Variants in SMAD3 observed in about 807,000 individuals in gnomAD.
SMAD3 encodes SMAD family member 3.
Under a neutral mutation model 51.8 loss-of-function variants are expected in SMAD3, and 12 were observed. That is an observed-to-expected ratio of 0.23 (90% CI 0.15 to 0.38). SMAD3 has a LOEUF of 0.38. Among genes scored for constraint, SMAD3 ranks in the 10% least tolerant of loss-of-function variants. The pLI, the probability that SMAD3 is intolerant of heterozygous loss-of-function variation, is 1.00. For synonymous variants in SMAD3, 238 were observed against 227.7 expected (o/e 1.05, Z -0.41); for missense variants, 294 against 565.6 (o/e 0.52, Z 4.87).
intron 5 of SMAD3, among the ~76,000 whole-genome samples, chr15:67,173,683 T>C (rs1461712230): frequency 6.6e-6 from 1 of 152,160 alleles, no homozygotes; most frequent in African/African-American, 2.4e-5. Context: ...TAAAGATTAA[T>C]CTGGCCACTG....
intron 1 of SMAD3, among the ~76,000 whole-genome samples, chr15:67,128,954 G>T (rs939478731): frequency 6.6e-6 from 1 of 152,194 alleles, no homozygotes; most frequent in East Asian, 1.9e-4. Flanking sequence ...TGTTGAGTGC[G>T]TGGTGGATGG....
chr15:67,113,094 A>ATATATATATATTTT (rs3985646), intron 1 of SMAD3, among the ~76,000 whole-genome samples: 2 of 112,562 alleles, frequency 1.8e-5, no homozygotes, highest in Non-Finnish European at 3.5e-5. Flanking sequence ...ATATATATAT[A>ATATATATATATTTT]TTTTTTTGAG....
chr15:67,153,971 T>C (rs1014722990), intron 1 of SMAD3, among the ~76,000 whole-genome samples: 3 of 152,192 alleles, frequency 2.0e-5, no homozygotes, highest in African/African-American at 7.2e-5. Flanking sequence ...AGGCGATCTT[T>C]GTGTGTTTCC....
At chr15:67,138,112 G>C (rs760822779) in intron 1 of SMAD3, 3 of 1,547,296 alleles carry the variant, frequency 1.9e-6, no homozygotes, top group Non-Finnish European at 2.6e-6. Context: ...TAGGAGCCCC[G>C]TGCCGGGACA....
intron 1 of SMAD3, among the ~76,000 whole-genome samples, chr15:67,085,464 C>T (rs1205115442): frequency 6.6e-6 from 1 of 152,222 alleles, no homozygotes; most frequent in Admixed American, 6.5e-5. Flanking sequence ...CTCTATTACT[C>T]ATTTGAATAG....
At chr15:67,182,974 T>C (rs1294506588) in intron 6 of SMAD3, among the ~76,000 whole-genome samples, 2 of 112,236 alleles carry the variant, frequency 1.8e-5, no homozygotes, top group African/African-American at 6.9e-5. Flanking sequence ...CTGGCTTTTT[T>C]CTATATTTTA....
chr15:67,137,132 G>C (rs1045292023), intron 1 of SMAD3, among the ~76,000 whole-genome samples: 2 of 152,206 alleles, frequency 1.3e-5, no homozygotes, highest in African/African-American at 4.8e-5. Context: ...GACGGAGCAG[G>C]CTGCGTTTGT....
chr15:67,187,373 C>T lies in SMAD3; in HGVS notation c.1018C>T (p.Leu340=). ...TVCKIPPGCN[L]KIFNNQEFAA... ...TTCTGTGTTTTTGGCAGGATGCAACCTGAAGATCTTCAACAACCAGGAGTT... is the reference window on the plus strand; with the variant it reads ...TTCTGTGTTTTTGGCAGGATGCAACTTGAAGATCTTCAACAACCAGGAGTT... Residue 340 remains leucine (L), a synonymous_variant, in exon 8 of 9, where the codon CTG becomes TTG. Transcript: ENST00000327367. 6.2e-7 allele frequency: 1 copy of T among 1,614,162 alleles called. No homozygotes were observed. The highest frequency in any genetic ancestry group is 8.5e-7 in the Non-Finnish European group (1 of 1,180,030).
intron 1 of SMAD3, among the ~76,000 whole-genome samples, chr15:67,153,904 A>T (rs565409635): frequency 3.9e-5 from 6 of 152,228 alleles, no homozygotes; most frequent in Non-Finnish European, 8.8e-5. Flanking sequence ...TCTTTTCCAG[A>T]AAGTACAAAT....
intron 8 of SMAD3, among the ~76,000 whole-genome samples, chr15:67,190,028 G>A (rs1294119352): frequency 6.6e-6 from 1 of 151,982 alleles, no homozygotes; most frequent in Non-Finnish European, 1.5e-5. Context: ...GCACGTGCCC[G>A]TTTGGTACAG....
At chr15:67,132,674 A>C (rs1349403070) in intron 1 of SMAD3, among the ~76,000 whole-genome samples, 2 of 152,184 alleles carry the variant, frequency 1.3e-5, no homozygotes, top group East Asian at 3.8e-4. Context: ...CAGTGAACTC[A>C]CCAATAGGTT....
rs1567003440 is a variant in SMAD3, at chr15:67,187,375, G to A, written c.1020G>A (p.Leu340=). 1 of 1,614,192 alleles carries A rather than the reference G, an allele frequency of 6.2e-7. No homozygotes were observed. Among genetic ancestry groups the A allele is most frequent in the Non-Finnish European group, 8.5e-7 (1 of 1,180,040 alleles). ...CTGTGTTTTTGGCAGGATGCAACCT[G>A]AAGATCTTCAACAACCAGGAGTTCG... ...TVCKIPPGCN[L]KIFNNQEFAA... The change falls in exon 8 of 9, where the codon CTG becomes CTA. Residue 340 remains leucine (L), a synonymous_variant. Coordinates refer to ENST00000327367, the MANE Select transcript of SMAD3 (RefSeq NM_005902.4).
chr15:67,137,071 A>G (rs1053607437), intron 1 of SMAD3, among the ~76,000 whole-genome samples: 5 of 152,220 alleles, frequency 3.3e-5, no homozygotes, highest in Non-Finnish European at 5.9e-5. Context: ...GCAAGGTGAC[A>G]AGTGCTCAAC....
At chr15:67,091,350 G>C (rs992798521) in intron 1 of SMAD3, among the ~76,000 whole-genome samples, 1 of 152,226 alleles carries the variant, frequency 6.6e-6, no homozygotes, top group Non-Finnish European at 1.5e-5. Flanking sequence ...GGCTGAAGGC[G>C]GTTTGGGGTG....
chr15:67,120,482 G>C (rs1331997813), intron 1 of SMAD3, among the ~76,000 whole-genome samples: 1 of 152,220 alleles, frequency 6.6e-6, no homozygotes, highest in Non-Finnish European at 1.5e-5. Context: ...GACAGTATCT[G>C]AGTGGGAGGC....
chr15:67,126,012 G>T (rs1310176535), intron 1 of SMAD3: 12 of 982,564 alleles, frequency 1.2e-5, no homozygotes, highest in East Asian at 2.2e-4. Context: ...TGGCAGGGTG[G>T]GTTAGGTGTG....
intron 1 of SMAD3, among the ~76,000 whole-genome samples, chr15:67,094,873 G>T (rs1220518217): frequency 6.6e-6 from 1 of 152,184 alleles, no homozygotes; most frequent in Non-Finnish European, 1.5e-5. Context: ...CCAGTCTCTG[G>T]GCGGATGGCA....
chr15:67,120,144 T>C (rs1961226270), intron 1 of SMAD3, among the ~76,000 whole-genome samples: 1 of 152,212 alleles, frequency 6.6e-6, no homozygotes, highest in East Asian at 1.9e-4. Flanking sequence ...GGAGTGGATT[T>C]CTAGGACCTC....
intron 1 of SMAD3, chr15:67,098,819 A>G: frequency 1.4e-6 from 1 of 695,562 alleles, no homozygotes; most frequent in Non-Finnish European, 2.6e-6. Context: ...CGGGGGTCTG[A>G]GGGCCCACTG....
Sources: gnomAD v4.1 joint callset for allele counts (sites outside exome capture counted in the v4.1 genomes callset) on GRCh38, gnomAD v4.1.1 for gene constraint, MANE v1.5 for transcripts, NCBI Gene and HGNC (gene_info 2026-07-23, HGNC 2026-07-21) for gene names.